SEMA5A: variants seen among roughly 807,000 people sequenced by gnomAD.
The protein encoded by SEMA5A is semaphorin 5A.
A neutral mutation model predicts 135.5 loss-of-function variants in SEMA5A; 55 were observed. That is an observed-to-expected ratio of 0.41 (90% confidence interval 0.33 to 0.51). The LOEUF is 0.51. SEMA5A is among the 20% of genes least tolerant of loss of function. The pLI, the probability that SEMA5A is intolerant of heterozygous loss-of-function variation, is 0.37. For synonymous variants in SEMA5A, 580 were observed against 546.5 expected (o/e 1.06, Z -0.85); for missense variants, 1,290 against 1,419.9 (o/e 0.91, Z 1.47).
At chr5:9,519,598 T>C (rs929213039) in intron 1 of SEMA5A, among the ~76,000 whole-genome samples, 2 of 152,184 alleles carry the variant, frequency 1.3e-5, no homozygotes, top group African/African-American at 2.4e-5. Flanking sequence ...CACTGAGCCC[T>C]CCATGTCTTA....
intron 18 of SEMA5A, among the ~76,000 whole-genome samples, chr5:9,057,808 C>A (rs1736972252): frequency 6.6e-6 from 1 of 152,190 alleles, no homozygotes; most frequent in African/African-American, 2.4e-5. Context: ...GTCCCCAGAC[C>A]AATTCTAATG....
intron 3 of SEMA5A, among the ~76,000 whole-genome samples, chr5:9,351,131 G>A (rs1754094390): frequency 6.6e-6 from 1 of 151,596 alleles, no homozygotes; most frequent in Non-Finnish European, 1.5e-5. Context: ...AAGAGATCCA[G>A]TTCCCTCCAA....
intron 1 of SEMA5A, among the ~76,000 whole-genome samples, chr5:9,452,057 C>G (rs1363457967): frequency 1.3e-5 from 2 of 152,210 alleles, no homozygotes; most frequent in Non-Finnish European, 2.9e-5. Flanking sequence ...CTCTTCCTTT[C>G]ACCCACTTCC....
intron 5 of SEMA5A, among the ~76,000 whole-genome samples, chr5:9,238,437 A>C (rs1232544878): frequency 6.6e-6 from 1 of 152,202 alleles, no homozygotes; most frequent in Non-Finnish European, 1.5e-5. Flanking sequence ...ATTTTTCCCC[A>C]GTAGCAGTCA....
rs569586632 is a variant in SEMA5A, at chr5:9,142,288, C to T, written c.1482-5667G>A. Among the ~76,000 whole-genome samples the T allele has an allele frequency of 5.9e-5, 9 of 152,216 alleles. No individual in the cohort carries two copies. In the South Asian group the frequency reaches 1.9e-3, roughly 32 times the overall value. ...AAGTGACCCATTTGATAGGCGCCAGCAAGAACAGAACCTTTTTGCAGAGAG... is the reference window on the plus strand; with the variant it reads ...AAGTGACCCATTTGATAGGCGCCAGTAAGAACAGAACCTTTTTGCAGAGAG... On this transcript the variant is annotated intron_variant, in intron 12 of 22. Coordinates refer to ENST00000382496, the MANE Select transcript of SEMA5A (RefSeq NM_003966.3).
intron 5 of SEMA5A, among the ~76,000 whole-genome samples, chr5:9,283,593 T>A (rs2150569419): frequency 6.6e-6 from 1 of 152,264 alleles, no homozygotes; most frequent in Admixed American, 6.5e-5. Flanking sequence ...CCATATAAGG[T>A]AAATTAATTA....
chr5:9,110,325 G>A (rs1199213617), intron 15 of SEMA5A, among the ~76,000 whole-genome samples: 1 of 152,198 alleles, frequency 6.6e-6, no homozygotes, highest in Non-Finnish European at 1.5e-5. Flanking sequence ...GAGCCCCTGA[G>A]ATTCGAGGAG....
At chr5:9,294,683 T>TTC (rs1579295851) in intron 5 of SEMA5A, among the ~76,000 whole-genome samples, 1 of 152,262 alleles carries the variant, frequency 6.6e-6, no homozygotes, top group East Asian at 1.9e-4. Context: ...TTCTAAACAC[T>TTC]TCCCCCATGG....
At chr5:9,146,625 C>T (rs1354498626) in intron 12 of SEMA5A, among the ~76,000 whole-genome samples, 2 of 152,144 alleles carry the variant, frequency 1.3e-5, no homozygotes, top group East Asian at 3.9e-4. Context: ...AATTCTAAGG[C>T]AACTCCAAGG....
Position 9,071,874 on chromosome 5 carries a change from G to T in SEMA5A, c.2074-5228C>A, listed in dbSNP as rs536703501. On this transcript the variant is annotated intron_variant, in intron 16 of 22. Transcript: ENST00000382496. Reference sequence around the variant, plus strand: ...GAGACTGAAAGCAATTCACATTAGAGAAATAACAAAGTAATTGAATTGTGC... The same window carrying T: ...GAGACTGAAAGCAATTCACATTAGATAAATAACAAAGTAATTGAATTGTGC... Among the ~76,000 whole-genome samples, 16 of 152,270 alleles carry T rather than the reference G, an allele frequency of 1.1e-4. No individual in the cohort carries two copies. In the South Asian group the frequency reaches 3.3e-3, roughly 32 times the overall value.
In SEMA5A at chr5:9,050,535, G is replaced by A. The variant is rs549239641; in HGVS notation, c.2846-78C>T. ...CCACATTCATGCTTCATGTATGTTTGTCTAATGATTCTGAATGTTATGTGA... is the reference window on the plus strand; with the variant it reads ...CCACATTCATGCTTCATGTATGTTTATCTAATGATTCTGAATGTTATGTGA... On this transcript the variant is annotated intron_variant, in intron 20 of 22. Transcript: ENST00000382496. The A allele has an allele frequency of 1.6e-5, 19 of 1,163,148 alleles. No individual in the cohort carries two copies. In the African/African-American group the frequency reaches 2.7e-4, roughly 16 times the overall value. 72.1% of individuals were successfully genotyped at this position (1,163,148 alleles called of 1,614,324 possible).
chr5:9,197,874 T>A (rs1745505979), intron 9 of SEMA5A, among the ~76,000 whole-genome samples: 1 of 152,096 alleles, frequency 6.6e-6, no homozygotes, highest in African/African-American at 2.4e-5. Flanking sequence ...CTCTTCATAT[T>A]TTCTTTTAAT....
chr5:9,325,931 G>A (rs979237473), intron 4 of SEMA5A, among the ~76,000 whole-genome samples: 1 of 152,156 alleles, frequency 6.6e-6, no homozygotes, highest in Non-Finnish European at 1.5e-5. Context: ...AGCAAATGAA[G>A]GCAGAAGCCG....
chr5:9,224,415 C>A (rs904391897), intron 8 of SEMA5A, among the ~76,000 whole-genome samples: 60 of 136,930 alleles, frequency 4.4e-4, no homozygotes, highest in African/African-American at 1.1e-3. Flanking sequence ...TAAAAAAAAA[C>A]AGCAAGTTTC....
rs112202652 is a variant in SEMA5A at position 9,196,563 on chromosome 5, A to G, written c.1068+605T>C. Among the ~76,000 whole-genome samples, 19 of 152,328 alleles carry G rather than the reference A, an allele frequency of 1.2e-4. 1 individual carries two copies. The highest frequency in any genetic ancestry group is 4.1e-4 in the African/African-American group (17 of 41,570). ...ACTAATACACCTGCCAACTCACCAA[A>G]CATGAGTAAATTGCTTCATCTCTTT... On this transcript the variant is annotated intron_variant, in intron 10 of 22. Coordinates refer to ENST00000382496, the MANE Select transcript of SEMA5A (RefSeq NM_003966.3).
chr5:9,305,437 CTG>C (rs1751812272), intron 5 of SEMA5A, among the ~76,000 whole-genome samples: 1 of 151,930 alleles, frequency 6.6e-6, no homozygotes, highest in Non-Finnish European at 1.5e-5. Context: ...TTGGTTCACT[CTG>C]TGTTTTTCGT....
chr5:9,257,498 G>C (rs554912552), intron 5 of SEMA5A, among the ~76,000 whole-genome samples: 3 of 151,668 alleles, frequency 2.0e-5, no homozygotes, highest in African/African-American at 7.3e-5. Flanking sequence ...ATCAAATGAA[G>C]TGCAAGCTCC....
chr5:9,533,551 CT>C (rs1464000006), intron 1 of SEMA5A, among the ~76,000 whole-genome samples: 1 of 152,150 alleles, frequency 6.6e-6, no homozygotes, highest in African/African-American at 2.4e-5. Context: ...AGAATACTCC[CT>C]GTGCCTCCAC....
chr5:9,235,153 G>A (rs1354754188), intron 6 of SEMA5A, among the ~76,000 whole-genome samples: 2 of 152,204 alleles, frequency 1.3e-5, no homozygotes, highest in Non-Finnish European at 2.9e-5. Context: ...GATGGAATCT[G>A]ATGCTTTGCT....
Sources: allele counts gnomAD v4.1 joint callset (sites outside exome capture counted in the v4.1 genomes callset), GRCh38; gene constraint gnomAD v4.1.1; transcripts MANE v1.5; gene names NCBI Gene and HGNC (gene_info 2026-07-23, HGNC 2026-07-21).